The following GUCY1A2 variants were observed in gnomAD, a reference collection of about 807,000 sequenced individuals.
GUCY1A2 encodes guanylate cyclase 1 soluble subunit alpha 2.
Under a neutral mutation model 63.5 loss-of-function variants are expected in GUCY1A2, and 27 were observed. That is an observed-to-expected ratio of 0.43 (90% CI 0.31 to 0.59). The LOEUF (loss-of-function observed/expected upper bound fraction) is 0.59, where lower values mean the gene tolerates loss of function less well. GUCY1A2 is among the 20% of genes least tolerant of loss of function. The probability of loss-of-function intolerance (pLI) is 0.11; values close to 1 mark genes in which losing one functional copy is unlikely to be tolerated. For missense variants in GUCY1A2, 768 were observed against 913.3 expected, an observed-to-expected ratio of 0.84 and a Z score of 2.05; for synonymous variants, 364 against 343.5, an observed-to-expected ratio of 1.06 and a Z score of -0.66.
chr11:106,869,025 C>T (rs1565315190), intron 4 of GUCY1A2, among the ~76,000 whole-genome samples: 2 of 152,136 alleles, frequency 1.3e-5, no homozygotes, highest in East Asian at 3.9e-4. Context: ...CTCTATTTAA[C>T]AAACGGTGCT....
chr11:106,950,761 T>C (rs1376432551), intron 3 of GUCY1A2, among the ~76,000 whole-genome samples: 2 of 152,192 alleles, frequency 1.3e-5, no homozygotes, highest in East Asian at 3.9e-4. Context: ...GCCTCTTTAA[T>C]GGTCACTTTT....
chr11:106,930,618 A>G (rs1860587808), intron 4 of GUCY1A2, among the ~76,000 whole-genome samples: 1 of 152,244 alleles, frequency 6.6e-6, no homozygotes, highest in African/African-American at 2.4e-5. Flanking sequence ...TTAAGTCATG[A>G]TTCAAAAGTT....
chr11:106,850,371 C>G (rs997737269), intron 4 of GUCY1A2, among the ~76,000 whole-genome samples: 2 of 151,716 alleles, frequency 1.3e-5, no homozygotes, highest in South Asian at 2.1e-4. Flanking sequence ...ATCCTCTCAT[C>G]TAGCTTTTTG....
intron 7 of GUCY1A2, among the ~76,000 whole-genome samples, chr11:106,695,534 T>C (rs535480052): frequency 6.6e-6 from 1 of 152,318 alleles, no homozygotes; most frequent in East Asian, 1.9e-4. Flanking sequence ...CTAAGTGTTG[T>C]AAAGTTCCTG....
chr11:106,808,366 G>A (rs956337215), intron 5 of GUCY1A2, among the ~76,000 whole-genome samples: 17 of 151,942 alleles, frequency 1.1e-4, no homozygotes, highest in Admixed American at 9.9e-4. Context: ...TAATATATAG[G>A]AAAATTTGAA....
At chr11:106,967,119 G>A (rs892525146) in intron 3 of GUCY1A2, among the ~76,000 whole-genome samples, 6 of 152,106 alleles carry the variant, frequency 3.9e-5, no homozygotes, top group East Asian at 1.9e-4. Context: ...GGCACTAATC[G>A]CTCAGTGGAG....
chr11:106,731,124 T>G (rs1863496036), intron 6 of GUCY1A2, among the ~76,000 whole-genome samples: 1 of 152,182 alleles, frequency 6.6e-6, no homozygotes, highest in African/African-American at 2.4e-5. Flanking sequence ...AATTTTTGGT[T>G]TCGTTGCAAT....
chr11:106,831,170 A>C (rs560364921), intron 4 of GUCY1A2, among the ~76,000 whole-genome samples: 1 of 152,346 alleles, frequency 6.6e-6, no homozygotes, highest in African/African-American at 2.4e-5. Flanking sequence ...TTATCAATTA[A>C]AAACAGTTTT....
intron 4 of GUCY1A2, among the ~76,000 whole-genome samples, chr11:106,815,414 A>G (rs1858817268): frequency 1.3e-5 from 2 of 151,988 alleles, no homozygotes. Context: ...TAAACCCACA[A>G]ATTCAACTAT....
At chr11:106,969,582 G>C (rs1010157309) in intron 3 of GUCY1A2, among the ~76,000 whole-genome samples, 1 of 151,680 alleles carries the variant, frequency 6.6e-6, no homozygotes, top group Non-Finnish European at 1.5e-5. Context: ...AAAAAAAACA[G>C]TATTTCAAAA....
intron 1 of GUCY1A2, among the ~76,000 whole-genome samples, chr11:107,001,799 A>C (rs1223766913): frequency 6.6e-6 from 1 of 152,106 alleles, no homozygotes. Context: ...CAGGCGGATC[A>C]CCTGAGGTCA....
intron 4 of GUCY1A2, among the ~76,000 whole-genome samples, chr11:106,922,573 A>C (rs910724657): frequency 6.7e-6 from 1 of 149,058 alleles, no homozygotes; most frequent in Non-Finnish European, 1.5e-5. Context: ...TATGTTTTTA[A>C]AAAATCTATA....
At chr11:106,789,655 G>A (rs1324122087) in intron 5 of GUCY1A2, among the ~76,000 whole-genome samples, 2 of 152,172 alleles carry the variant, frequency 1.3e-5, no homozygotes, top group Non-Finnish European at 2.9e-5. Flanking sequence ...GTATTTGAAA[G>A]GGCCTCGGTG....
At chr11:106,959,982 T>C (rs894095218) in intron 3 of GUCY1A2, among the ~76,000 whole-genome samples, 2 of 152,198 alleles carry the variant, frequency 1.3e-5, no homozygotes, top group African/African-American at 2.4e-5. Context: ...CAAATCTCCA[T>C]GTTGGAGTCT....
intron 6 of GUCY1A2, among the ~76,000 whole-genome samples, chr11:106,768,110 A>G (rs923002721): frequency 1.3e-5 from 2 of 152,142 alleles, no homozygotes; most frequent in African/African-American, 4.8e-5. Flanking sequence ...TGATAGAATA[A>G]CACTCATTTT....
In GUCY1A2 at chr11:106,910,854, G is replaced by A. The variant is rs1860283916; in HGVS notation, c.1206+28606C>T. On this transcript the variant is annotated intron_variant, in intron 4 of 7. Coordinates refer to ENST00000526355, the MANE Select transcript of GUCY1A2 (RefSeq NM_000855.3). ...TACATGTTGATTATATTTGTTACAG[G>A]AATGTAACCTACCCTAGCTAACATA... Among the ~76,000 whole-genome samples the A allele has an allele frequency of 2.0e-5, 3 of 152,020 alleles. No individual in the cohort carries two copies. In the South Asian group the frequency reaches 6.2e-4, roughly 31 times the overall value.
intron 4 of GUCY1A2, among the ~76,000 whole-genome samples, chr11:106,866,441 A>G (rs1859595075): frequency 6.6e-6 from 1 of 152,064 alleles, no homozygotes; most frequent in Admixed American, 6.6e-5. Context: ...CTGCTATTCA[A>G]CTAAAGACAA....
chr11:106,878,418 C>T (rs1032814411), intron 4 of GUCY1A2, among the ~76,000 whole-genome samples: 1 of 152,016 alleles, frequency 6.6e-6, no homozygotes, highest in African/African-American at 2.4e-5. Flanking sequence ...AAATATGGTA[C>T]ATATATACCA....
intron 4 of GUCY1A2, among the ~76,000 whole-genome samples, chr11:106,870,486 A>C (rs1859661840): frequency 6.6e-6 from 1 of 152,134 alleles, no homozygotes; most frequent in Non-Finnish European, 1.5e-5. Flanking sequence ...TTAATATAAA[A>C]ATAATTTAAG....
Sources: allele counts gnomAD v4.1 joint callset (sites outside exome capture counted in the v4.1 genomes callset), GRCh38; gene constraint gnomAD v4.1.1; transcripts MANE v1.5; gene names NCBI Gene and HGNC (gene_info 2026-07-23, HGNC 2026-07-21).